The following ACTR3 variants were observed in gnomAD, a reference collection of about 807,000 sequenced individuals.
ACTR3 encodes the protein actin related protein 3.
Under a neutral mutation model 56.8 loss-of-function variants are expected in ACTR3, and 12 were observed. The ratio of observed to expected loss-of-function variants is 0.21; its 90% CI spans 0.14 to 0.34. ACTR3 has a LOEUF of 0.34. Among genes scored for constraint, ACTR3 ranks in the 10% least tolerant of loss-of-function variants. The pLI is 1.00. For missense variants in ACTR3, 282 were observed against 512.5 expected, an observed-to-expected ratio of 0.55 and a Z score of 4.34; for synonymous variants, 162 against 167.4, an observed-to-expected ratio of 0.97 and a Z score of 0.25.
intron 4 of ACTR3, among the ~76,000 whole-genome samples, chr2:113,929,057 T>C (rs1209924313): frequency 6.6e-6 from 1 of 152,206 alleles, no homozygotes; most frequent in African/African-American, 2.4e-5. Context: ...TTTTTGTTGC[T>C]GGGTAGTATT....
At chr2:113,923,481 G>A (rs1245421807) in intron 3 of ACTR3, among the ~76,000 whole-genome samples, 2 of 151,792 alleles carry the variant, frequency 1.3e-5, no homozygotes, top group Non-Finnish European at 1.5e-5. Context: ...GACTACAGGC[G>A]CCCACCACCG....
At chr2:113,913,460 AG>A (rs1184788729) in intron 2 of ACTR3, among the ~76,000 whole-genome samples, 13 of 152,156 alleles carry the variant, frequency 8.5e-5, no homozygotes, top group Non-Finnish European at 1.5e-4. Context: ...AAAGAAAAAA[AG>A]AAATTAGCTG....
intron 1 of ACTR3, chr2:113,904,735 C>A (rs1320661291): frequency 6.6e-6 from 1 of 152,164 alleles, no homozygotes; most frequent in Non-Finnish European, 1.5e-5. Context: ...TGTTATACAA[C>A]CCTCCCTCCA....
In ACTR3 at chr2:113,904,916, A is replaced by G. The variant is rs543768467; in HGVS notation, c.45-8256A>G. On this transcript the variant is annotated intron_variant, in intron 1 of 11. Transcript: ENST00000263238. ...CCTTCCTGTCCTTCCCTCCCTTGTC[A>G]TTAACATCTAGGTACCCTTTATATG... 2.0e-5 allele frequency: 3 copies of G among 152,002 alleles called. No homozygotes were observed. The South Asian group carries it at 6.2e-4, about 32-fold the overall frequency. 9.4% of individuals were successfully genotyped at this position (152,002 alleles called of 1,614,324 possible).
chr2:113,935,315 A>C (rs903022571), intron 6 of ACTR3, among the ~76,000 whole-genome samples: 1 of 152,210 alleles, frequency 6.6e-6, no homozygotes, highest in Non-Finnish European at 1.5e-5. Flanking sequence ...GAACATTTTC[A>C]TCACCCTACA....
chr2:113,894,400 C>T (rs1437779264), intron 1 of ACTR3, among the ~76,000 whole-genome samples: 1 of 152,192 alleles, frequency 6.6e-6, no homozygotes, highest in East Asian at 1.9e-4. Flanking sequence ...CTTAATAATG[C>T]TATTTCTTTA....
At chr2:113,906,621 TC>T (rs1437682127) in intron 1 of ACTR3, among the ~76,000 whole-genome samples, 1 of 152,206 alleles carries the variant, frequency 6.6e-6, no homozygotes, top group Admixed American at 6.5e-5. Flanking sequence ...AGGTCTGTGA[TC>T]AACTTTGAGT....
intron 8 of ACTR3, among the ~76,000 whole-genome samples, chr2:113,949,962 A>G (rs1287828349): frequency 6.6e-6 from 1 of 152,192 alleles, no homozygotes; most frequent in East Asian, 1.9e-4. Flanking sequence ...TGACTATGGT[A>G]TATCATCGTT....
chr2:113,944,131 A>G (rs1679972803), intron 8 of ACTR3, among the ~76,000 whole-genome samples: 1 of 152,176 alleles, frequency 6.6e-6, no homozygotes, highest in Non-Finnish European at 1.5e-5. Context: ...GTTTTTCAGC[A>G]TCTAGGTTAT....
chr2:113,925,383 A>G (rs892124653), intron 3 of ACTR3, among the ~76,000 whole-genome samples: 1 of 151,476 alleles, frequency 6.6e-6, no homozygotes. Context: ...TTTAGTGGAG[A>G]CGGGGTTTCA....
At position 113,953,491 on chromosome 2, in the gene ACTR3, A is replaced by G. The variant is rs550084975; in HGVS notation, c.1077+1646A>G. 9 of 152,184 alleles carry G rather than the reference A, an allele frequency of 5.9e-5. No individual in the cohort carries two copies. The East Asian group carries it at 9.6e-4, about 16-fold the overall frequency. The allele number at this position is 152,184 out of a possible 1,614,324, so 9.4% of individuals were successfully genotyped here. On this transcript the variant is annotated intron_variant, in intron 10 of 11. Coordinates refer to ENST00000263238, the MANE Select transcript of ACTR3 (RefSeq NM_005721.5). ...TTCAGACTTGGGATGCTCATCATGT[A>G]TAGGAAAAACCTTGTGTTTTGGAGG...
intron 11 of ACTR3, among the ~76,000 whole-genome samples, 192 bp from the exon 12 acceptor site, chr2:113,957,168 C>T (rs1680231914): frequency 6.6e-6 from 1 of 152,104 alleles, no homozygotes. Context: ...TTTTGGAGTT[C>T]CGATAAAGAT....
At chr2:113,909,121 T>C (rs1360414556) in intron 1 of ACTR3, among the ~76,000 whole-genome samples, 1 of 152,216 alleles carries the variant, frequency 6.6e-6, no homozygotes, top group Non-Finnish European at 1.5e-5. Context: ...CATTAGTTAC[T>C]GCTCCCCAAA....
intron 9 of ACTR3, 27 bp downstream of exon 9, chr2:113,951,598 G>T: frequency 6.3e-7 from 1 of 1,584,292 alleles, no homozygotes; most frequent in Non-Finnish European, 8.7e-7. Context: ...TGTTATTCAA[G>T]GTCTTACTTT....
Position 113,911,108 on chromosome 2 carries a change from A to G in ACTR3, c.45-2064A>G, listed in dbSNP as rs79338182. 0.024 allele frequency among the ~76,000 whole-genome samples: 3,675 copies of G among 152,246 alleles called. 219 individuals are homozygous for G. In the East Asian group the frequency reaches 0.26, roughly 11 times the overall value. Reference sequence around the variant, plus strand: ...AACTATACTGGATGGGAAGGAGAGCATCTAATGTAGTAGGAGCAGTGTTAA... The same window carrying G: ...AACTATACTGGATGGGAAGGAGAGCGTCTAATGTAGTAGGAGCAGTGTTAA... On this transcript the variant is annotated intron_variant, in intron 1 of 11. Transcript: ENST00000263238.
At chr2:113,903,604 C>T (rs889718063) in intron 1 of ACTR3, among the ~76,000 whole-genome samples, 2 of 150,304 alleles carry the variant, frequency 1.3e-5, no homozygotes, top group Non-Finnish European at 1.5e-5. Flanking sequence ...AGCGCGATCT[C>T]GGCTCACTGA....
chr2:113,917,928 G>A (rs1219843018), intron 3 of ACTR3, among the ~76,000 whole-genome samples: 2 of 152,152 alleles, frequency 1.3e-5, no homozygotes, highest in Non-Finnish European at 2.9e-5. Context: ...ATGTCCTCGA[G>A]GAGTAAATCT....
At chr2:113,937,411 A>G (rs1679848897) in intron 6 of ACTR3, among the ~76,000 whole-genome samples, 1 of 152,100 alleles carries the variant, frequency 6.6e-6, no homozygotes, top group Admixed American at 6.5e-5. Context: ...CAGCCTTGAA[A>G]TTGAGTTCTT....
chr2:113,943,739 C>T (rs960778704), intron 8 of ACTR3, among the ~76,000 whole-genome samples: 2 of 152,088 alleles, frequency 1.3e-5, no homozygotes, highest in African/African-American at 4.8e-5. Context: ...AGTGTGCCAT[C>T]CACTGAAATT....
Sources: allele counts gnomAD v4.1 joint callset (sites outside exome capture counted in the v4.1 genomes callset), GRCh38; gene constraint gnomAD v4.1.1; transcripts MANE v1.5; gene names NCBI Gene and HGNC (gene_info 2026-07-23, HGNC 2026-07-21).